The following CCDC93 variants were observed in gnomAD, a reference collection of about 807,000 sequenced individuals.
The protein encoded by CCDC93 is CCC complex scaffolding subunit CCDC93.
CCDC93 carries 61 observed loss-of-function variants against 108.2 expected under a neutral mutation model. The ratio of observed to expected loss-of-function variants is 0.56; its 90% CI spans 0.46 to 0.70. CCDC93 has a LOEUF of 0.70. Ranked by LOEUF, CCDC93 falls within the 30% of genes least tolerant of loss-of-function variation. CCDC93 has a pLI of 0.00. For missense variants in CCDC93, 685 were observed against 764.2 expected (o/e 0.90, Z 1.22); for synonymous variants, 276 against 260.4 (o/e 1.06, Z -0.58).
At chr2:117,920,436 C>T in intron 23 of CCDC93, 40 bp from the exon 24 acceptor site, 2 of 1,435,606 alleles carry the variant, frequency 1.4e-6, no homozygotes, top group South Asian at 2.4e-5. Context: ...GTGGTGACTA[C>T]ATTAGCACCC....
intron 11 of CCDC93, among the ~76,000 whole-genome samples, chr2:117,960,535 TC>T (rs1490505970): frequency 1.3e-5 from 2 of 152,138 alleles, no homozygotes; most frequent in Non-Finnish European, 2.9e-5. Flanking sequence ...AAAACTGCAT[TC>T]CCCCACCCAG....
intron 6 of CCDC93, among the ~76,000 whole-genome samples, chr2:117,992,499 C>A (rs1052992610): frequency 9.2e-5 from 14 of 152,272 alleles, no homozygotes; most frequent in African/African-American, 3.4e-4. Flanking sequence ...CCACCTCGGC[C>A]TCCCAAAGTG....
intron 7 of CCDC93, among the ~76,000 whole-genome samples, chr2:117,984,890 A>G (rs1680265263): frequency 6.6e-6 from 1 of 152,232 alleles, no homozygotes; most frequent in Non-Finnish European, 1.5e-5. Context: ...CATGCTTAGA[A>G]GAGTTCTCAC....
At chr2:117,969,258 G>A (rs1364417023) in intron 11 of CCDC93, among the ~76,000 whole-genome samples, 1 of 152,212 alleles carries the variant, frequency 6.6e-6, no homozygotes, top group African/African-American at 2.4e-5. Flanking sequence ...ACAAGGAACT[G>A]CAGGTAGCCT....
chr2:117,965,466 G>C (rs6713431), intron 11 of CCDC93, among the ~76,000 whole-genome samples: 59,048 of 151,874 alleles, frequency 0.39, 12,138 homozygotes, highest in East Asian at 0.67. Context: ...TCTTCACTCA[G>C]TCCTAAGCCC....
At chr2:117,924,154 G>A (rs967600993) in intron 23 of CCDC93, among the ~76,000 whole-genome samples, 1 of 152,134 alleles carries the variant, frequency 6.6e-6, no homozygotes, top group African/African-American at 2.4e-5. Flanking sequence ...AAGACCAAAG[G>A]TAGATAAAAC....
intron 12 of CCDC93, among the ~76,000 whole-genome samples, chr2:117,954,761 T>C (rs372599399): frequency 1.2e-3 from 178 of 152,328 alleles, no homozygotes; most frequent in African/African-American, 4.1e-3. Context: ...GTGGTTCCCA[T>C]AATCCCCACG....
intron 11 of CCDC93, among the ~76,000 whole-genome samples, chr2:117,965,211 A>C (rs1679522314): frequency 6.6e-6 from 1 of 151,468 alleles, no homozygotes. Context: ...CCAAGAGAGG[A>C]ACACCCCCAC....
At chr2:117,932,014 A>T (rs1452691804) in intron 22 of CCDC93, among the ~76,000 whole-genome samples, 1 of 151,998 alleles carries the variant, frequency 6.6e-6, no homozygotes, top group African/African-American at 2.4e-5. Flanking sequence ...TATTCGCAAC[A>T]CTGATCGGTC....
chr2:117,946,584 T>C (rs1678879601), intron 16 of CCDC93, among the ~76,000 whole-genome samples: 1 of 152,176 alleles, frequency 6.6e-6, no homozygotes, highest in African/African-American at 2.4e-5. Context: ...TGTAATCTGG[T>C]AATTCGTGTC....
chr2:117,923,642 C>T (rs546372581), intron 23 of CCDC93, among the ~76,000 whole-genome samples: 10 of 148,828 alleles, frequency 6.7e-5, no homozygotes, highest in African/African-American at 1.3e-4. Flanking sequence ...TGGAGCTCAC[C>T]GCAGCACAAG....
chr2:117,935,604 T>A, intron 21 of CCDC93, 25 bp from the exon 22 acceptor site: 1 of 1,555,292 alleles, frequency 6.4e-7, no homozygotes, highest in Non-Finnish European at 8.9e-7. Context: ...AGTAGAGTTA[T>A]GACCGGCACA....
intron 12 of CCDC93, among the ~76,000 whole-genome samples, chr2:117,957,272 T>C (rs1679251313): frequency 6.6e-6 from 1 of 152,252 alleles, no homozygotes. Flanking sequence ...TATAACTTTT[T>C]TATTGTCCAA....
intron 13 of CCDC93, chr2:117,950,190 C>T (rs1391800600): frequency 2.0e-6 from 2 of 984,816 alleles, no homozygotes; most frequent in African/African-American, 1.8e-5. Flanking sequence ...GGTGGTAACC[C>T]GAAATTTTAA....
In CCDC93 at chr2:117,939,016, T is replaced by A; in HGVS notation, c.1605+13A>T. ...TAGCTGCTTAGCCATTTTCTTTTTATAAATGTTCTTACCTCTTTTTCCAAA... is the reference window on the plus strand; with the variant it reads ...TAGCTGCTTAGCCATTTTCTTTTTAAAAATGTTCTTACCTCTTTTTCCAAA... On this transcript the variant is annotated intron_variant, in intron 20 of 23. Coordinates refer to ENST00000376300, the MANE Select transcript of CCDC93 (RefSeq NM_019044.5). 3 of 1,446,476 alleles carry A rather than the reference T, an allele frequency of 2.1e-6. No homozygotes were observed. The highest frequency in any genetic ancestry group is 2.9e-6 in the Non-Finnish European group (3 of 1,030,968). The allele number at this position is 1,446,476 out of a possible 1,614,324, so 89.6% of individuals were successfully genotyped here. A position where few individuals can be genotyped will look rare whatever the true frequency, so the allele number is the denominator to read the frequency against.
chr2:117,947,024 T>A lies in CCDC93; in HGVS notation c.1225-142A>T. On this transcript the variant is annotated intron_variant, in intron 15 of 23. Coordinates refer to ENST00000376300, the MANE Select transcript of CCDC93 (RefSeq NM_019044.5). ...AAAGCTAATGAGGTAGCTGCCCTGA[T>A]CTCCAATTATCAGCCTGGGAAAGTT... 10 of 657,710 alleles carry A rather than the reference T, an allele frequency of 1.5e-5. No individual in the cohort carries two copies. The South Asian group carries it at 1.9e-4, about 12-fold the overall frequency. The allele number at this position is 657,710 out of a possible 1,614,324, so 40.7% of individuals were successfully genotyped here. A position where few individuals can be genotyped will look rare whatever the true frequency, so the allele number is the denominator to read the frequency against.
intron 3 of CCDC93, among the ~76,000 whole-genome samples, chr2:118,001,612 C>G (rs191795751): frequency 2.0e-5 from 3 of 152,318 alleles, no homozygotes; most frequent in Non-Finnish European, 4.4e-5. Flanking sequence ...TCGCCTCAGT[C>G]TTCCTCCTAT....
intron 6 of CCDC93, among the ~76,000 whole-genome samples, chr2:117,990,451 C>A (rs1339545816): frequency 1.3e-5 from 2 of 152,226 alleles, no homozygotes; most frequent in Admixed American, 6.5e-5. Context: ...AGAACACGCC[C>A]ATCATAAGCT....
chr2:117,926,811 A>G (rs1389910006), intron 23 of CCDC93, among the ~76,000 whole-genome samples: 1 of 150,598 alleles, frequency 6.6e-6, no homozygotes. Flanking sequence ...GCAGAGACAC[A>G]ACCAAAAAAG....
Sources: allele counts gnomAD v4.1 joint callset (sites outside exome capture counted in the v4.1 genomes callset), GRCh38; gene constraint gnomAD v4.1.1; transcripts MANE v1.5; gene names NCBI Gene and HGNC (gene_info 2026-07-23, HGNC 2026-07-21).